The following ROBO2 variants were observed in gnomAD, a reference collection of about 807,000 sequenced individuals.
ROBO2 encodes the protein roundabout guidance receptor 2, also known as roundabout homolog 2.
Under a neutral mutation model 160.8 loss-of-function variants are expected in ROBO2, and 53 were observed. The observed-to-expected ratio is 0.33, with a 90% CI of 0.26 to 0.41. ROBO2 has a LOEUF of 0.41. Ranked by LOEUF, ROBO2 falls within the 10% of genes least tolerant of loss-of-function variation. ROBO2 has a pLI of 1.00. For missense variants in ROBO2, 1,577 were observed against 1,722.4 expected (o/e 0.92, Z 1.49); for synonymous variants, 664 against 611.7 (o/e 1.09, Z -1.26).
At chr3:76,456,269 T>C (rs541985663) in intron 2 of ROBO2, among the ~76,000 whole-genome samples, 1 of 152,352 alleles carries the variant, frequency 6.6e-6, no homozygotes, top group African/African-American at 2.4e-5. Flanking sequence ...GGAGGAGTTA[T>C]GTAGTTACAT....
At position 77,623,194 on chromosome 3, in the gene ROBO2, A is replaced by G. The variant is rs139537772; in HGVS notation, c.3760+762A>G. 2.9e-3 allele frequency among the ~76,000 whole-genome samples: 437 copies of G among 152,312 alleles called. 4 individuals carry two copies. The highest frequency in any genetic ancestry group is 9.7e-3 in the African/African-American group (402 of 41,574). On this transcript the variant is annotated intron_variant, in intron 23 of 25. Coordinates refer to ENST00000461745, the Ensembl canonical transcript of ROBO2. ...AGAAAACTAAAAATTCAGTCTTTCTATTCAAATAGATATACACTGTTGGAC... is the reference window on the plus strand; with the variant it reads ...AGAAAACTAAAAATTCAGTCTTTCTGTTCAAATAGATATACACTGTTGGAC...
exon 2 of ROBO2, chr3:77,098,331 G>A (rs751093123): frequency 1.9e-6 from 3 of 1,614,190 alleles, no homozygotes; most frequent in East Asian, 2.2e-5. Flanking sequence ...TGCGTCTCTG[G>A]AAGTGGCATG....
At chr3:76,817,103 G>A (rs1193780874) in intron 2 of ROBO2, among the ~76,000 whole-genome samples, 1 of 152,066 alleles carries the variant, frequency 6.6e-6, no homozygotes, top group African/African-American at 2.4e-5. Context: ...GATAGCACTA[G>A]GAGAAATACC....
chr3:76,464,306 A>G (rs1389993461), intron 2 of ROBO2, among the ~76,000 whole-genome samples: 2 of 152,050 alleles, frequency 1.3e-5, no homozygotes, highest in Non-Finnish European at 2.9e-5. Context: ...CAACACCTCT[A>G]CTCCCAAGAC....
chr3:76,571,234 T>C (rs973050199), intron 2 of ROBO2, among the ~76,000 whole-genome samples: 1 of 152,166 alleles, frequency 6.6e-6, no homozygotes, highest in Admixed American at 6.5e-5. Flanking sequence ...CAGATTTGTA[T>C]GTGTAGGTCA....
At chr3:77,094,569 C>T (rs1303095754) in intron 1 of ROBO2, among the ~76,000 whole-genome samples, 1 of 152,028 alleles carries the variant, frequency 6.6e-6, no homozygotes, top group Non-Finnish European at 1.5e-5. Context: ...ATTGCTGGGT[C>T]GTATGGCAAC....
intron 2 of ROBO2, among the ~76,000 whole-genome samples, chr3:77,438,277 G>A (rs1357518760): frequency 1.3e-5 from 2 of 151,750 alleles, no homozygotes; most frequent in Non-Finnish European, 2.9e-5. Context: ...CTCTGAGAGG[G>A]ATGAGCAAAT....
intron 2 of ROBO2, among the ~76,000 whole-genome samples, chr3:77,108,826 A>G (rs2150159469): frequency 6.6e-6 from 1 of 152,310 alleles, no homozygotes. Flanking sequence ...AGGGTAGTAG[A>G]GGGAGATAAT....
chr3:77,262,958 T>TA (rs1482874085), intron 2 of ROBO2, among the ~76,000 whole-genome samples: 1 of 152,148 alleles, frequency 6.6e-6, no homozygotes, highest in Non-Finnish European at 1.5e-5. Context: ...CTTTAATTCA[T>TA]AAAATTCTCA....
At chr3:76,923,491 A>G (rs975731482) in intron 2 of ROBO2, among the ~76,000 whole-genome samples, 28 of 152,234 alleles carry the variant, frequency 1.8e-4, no homozygotes, top group African/African-American at 6.0e-4. Context: ...TCTCTATTTC[A>G]TCAAATAGGC....
chr3:77,429,852 C>T (rs1487363371), intron 2 of ROBO2, among the ~76,000 whole-genome samples: 4 of 152,062 alleles, frequency 2.6e-5, no homozygotes, highest in Non-Finnish European at 5.9e-5. Context: ...ACAAATCACA[C>T]CTTACGGTCT....
At chr3:77,258,622 TAA>T (rs11451740) in intron 2 of ROBO2, among the ~76,000 whole-genome samples, 9 of 119,766 alleles carry the variant, frequency 7.5e-5, no homozygotes, top group Non-Finnish European at 9.3e-5. Flanking sequence ...GACTTTGTCT[TAA>T]AAAAAAAAAA....
intron 2 of ROBO2, among the ~76,000 whole-genome samples, chr3:77,167,543 T>C (rs1381903084): frequency 6.6e-6 from 1 of 152,182 alleles, no homozygotes; most frequent in East Asian, 1.9e-4. Context: ...GCTACTGGGG[T>C]GGCAGTTAAA....
At chr3:76,863,082 TAAAG>T (rs1382781668) in intron 2 of ROBO2, among the ~76,000 whole-genome samples, 1 of 152,126 alleles carries the variant, frequency 6.6e-6, no homozygotes, top group Non-Finnish European at 1.5e-5. Flanking sequence ...TTTCTTATTA[TAAAG>T]GGCAAAAATT....
chr3:76,991,946 A>C (rs1208075774), intron 2 of ROBO2, among the ~76,000 whole-genome samples: 3 of 152,170 alleles, frequency 2.0e-5, no homozygotes, highest in Non-Finnish European at 4.4e-5. Flanking sequence ...TCTGGTATAC[A>C]TATGGGACAC....
chr3:76,196,674 T>C (rs1702277445), intron 2 of ROBO2, among the ~76,000 whole-genome samples: 1 of 152,160 alleles, frequency 6.6e-6, no homozygotes, highest in Non-Finnish European at 1.5e-5. Context: ...AAGGAAAAAC[T>C]GGCAAAGTTC....
intron 2 of ROBO2, among the ~76,000 whole-genome samples, chr3:76,837,852 A>G (rs1002795972): frequency 8.6e-5 from 13 of 151,922 alleles, no homozygotes; most frequent in African/African-American, 2.2e-4. Context: ...TCCTAATAAT[A>G]CCTCTAATGG....
At chr3:76,824,956 G>C (rs945721010) in intron 2 of ROBO2, among the ~76,000 whole-genome samples, 6 of 152,110 alleles carry the variant, frequency 3.9e-5, no homozygotes, top group African/African-American at 1.4e-4. Flanking sequence ...AATAAAACCT[G>C]CTGGGAAATT....
At position 76,569,017 on chromosome 3, in the gene ROBO2, T is replaced by C. The variant is rs556953772; in HGVS notation, c.110-528997T>C. On this transcript the variant is annotated intron_variant, in intron 2 of 26. Transcript: ENST00000487694. ...GTTTAATATTTAGATCATTTAGATA[T>C]CGATTATTCAATGACTTGATATAGA... 1.3e-4 allele frequency among the ~76,000 whole-genome samples: 20 copies of C among 152,350 alleles called. No individual in the cohort carries two copies. In the Middle Eastern group the frequency reaches 0.014, roughly 104 times the overall value.
Sources: allele counts gnomAD v4.1 joint callset (sites outside exome capture counted in the v4.1 genomes callset), GRCh38; gene constraint gnomAD v4.1.1; transcripts MANE v1.5; gene names NCBI Gene and HGNC (gene_info 2026-07-23, HGNC 2026-07-21).